RCAN2: variants seen among roughly 807,000 people sequenced by gnomAD.
The protein encoded by RCAN2 is regulator of calcineurin 2, also known as calcipressin-2.
A neutral mutation model predicts 23.6 loss-of-function variants in RCAN2; 9 were observed. That is an observed-to-expected ratio of 0.38 (90% CI 0.23 to 0.67). The LOEUF is 0.67. Among genes scored for constraint, RCAN2 ranks in the 30% least tolerant of loss-of-function variants. The pLI is 0.51. For missense variants in RCAN2, 273 were observed against 302.3 expected, an observed-to-expected ratio of 0.90 and a Z score of 0.72; for synonymous variants, 109 against 115.7, an observed-to-expected ratio of 0.94 and a Z score of 0.37.
At chr6:46,223,523 A>G (rs1765550716) in intron 4 of RCAN2, among the ~76,000 whole-genome samples, 1 of 152,126 alleles carries the variant, frequency 6.6e-6, no homozygotes, top group Admixed American at 6.6e-5. Context: ...AAGCCACTCA[A>G]TACCTCTTAG....
chr6:46,443,641 T>G (rs1767617264), intron 2 of RCAN2, among the ~76,000 whole-genome samples: 1 of 152,184 alleles, frequency 6.6e-6, no homozygotes, highest in Non-Finnish European at 1.5e-5. Flanking sequence ...CTCTAAAAAT[T>G]TTGAACATTA....
At chr6:46,258,547 C>G (rs948209256) in intron 2 of RCAN2, among the ~76,000 whole-genome samples, 2 of 152,094 alleles carry the variant, frequency 1.3e-5, no homozygotes, top group African/African-American at 4.8e-5. Flanking sequence ...ATCCTTTCTC[C>G]CTGGAGTTCT....
chr6:46,275,163 AC>A (rs1767653057), intron 2 of RCAN2, among the ~76,000 whole-genome samples: 1 of 147,108 alleles, frequency 6.8e-6, no homozygotes, highest in African/African-American at 2.5e-5. Context: ...TGCAATCATC[AC>A]CTTTTTTTTT....
chr6:46,368,310 T>A (rs1344906226), intron 2 of RCAN2, among the ~76,000 whole-genome samples: 2 of 152,240 alleles, frequency 1.3e-5, no homozygotes, highest in Admixed American at 1.3e-4. Flanking sequence ...TGTTGCACTC[T>A]ACCACCTTTC....
At chr6:46,353,536 G>C (rs1764727103) in intron 2 of RCAN2, among the ~76,000 whole-genome samples, 1 of 152,142 alleles carries the variant, frequency 6.6e-6, no homozygotes, top group South Asian at 2.1e-4. Flanking sequence ...TAAGATGGGG[G>C]TTAAGTTCTT....
intron 2 of RCAN2, among the ~76,000 whole-genome samples, chr6:46,338,225 G>A (rs551054682): frequency 6.6e-6 from 1 of 152,288 alleles, no homozygotes; most frequent in South Asian, 2.1e-4. Context: ...AAACCAAGAA[G>A]GTCTAAGATG....
chr6:46,457,377 T>A (rs2150433189), intron 1 of RCAN2, among the ~76,000 whole-genome samples: 1 of 152,286 alleles, frequency 6.6e-6, no homozygotes, highest in Admixed American at 6.5e-5. Flanking sequence ...CAATAGTCTA[T>A]AAGGTTGGTA....
intron 1 of RCAN2, among the ~76,000 whole-genome samples, chr6:46,490,719 T>C (rs1327115466): frequency 2.0e-5 from 3 of 152,094 alleles, no homozygotes; most frequent in Admixed American, 1.3e-4. Flanking sequence ...AGCCTCTGCA[T>C]TGGGAAGAAG....
chr6:46,339,014 C>CAAAAAA (rs3997300), intron 2 of RCAN2, among the ~76,000 whole-genome samples: 992 of 46,990 alleles, frequency 0.021, 96 homozygotes, highest in Non-Finnish European at 0.029. Context: ...GACCCTGTCT[C>CAAAAAA]AAAAAAAAAA....
chr6:46,289,141 A>G (rs1762460338), intron 2 of RCAN2, among the ~76,000 whole-genome samples: 1 of 152,180 alleles, frequency 6.6e-6, no homozygotes, highest in South Asian at 2.1e-4. Context: ...ACAGGGCAAC[A>G]CCTCAGATTC....
At chr6:46,438,331 GCCA>G (rs1767430966) in intron 2 of RCAN2, 1 of 152,168 alleles carries the variant, frequency 6.6e-6, no homozygotes, top group Non-Finnish European at 1.5e-5. Context: ...CTATCCCATG[GCCA>G]TAGGACTCAA....
At chr6:46,426,282 A>G (rs1301655259) in intron 2 of RCAN2, among the ~76,000 whole-genome samples, 1 of 152,146 alleles carries the variant, frequency 6.6e-6, no homozygotes, top group African/African-American at 2.4e-5. Flanking sequence ...TTAAATGAAT[A>G]TTTTCGCAGA....
intron 2 of RCAN2, among the ~76,000 whole-genome samples, chr6:46,419,891 A>G (rs1479909266): frequency 6.6e-6 from 1 of 152,196 alleles, no homozygotes; most frequent in African/African-American, 2.4e-5. Flanking sequence ...TTCAGTATAG[A>G]TTATATTCTA....
At chr6:46,434,520 A>G (rs1184131245) in intron 2 of RCAN2, among the ~76,000 whole-genome samples, 3 of 152,208 alleles carry the variant, frequency 2.0e-5, no homozygotes, top group Admixed American at 6.5e-5. Flanking sequence ...CAGCTCATAA[A>G]GAGAGGACTT....
intron 2 of RCAN2, among the ~76,000 whole-genome samples, chr6:46,436,515 C>T (rs1221951984): frequency 1.3e-5 from 2 of 152,116 alleles, no homozygotes; most frequent in Non-Finnish European, 2.9e-5. Flanking sequence ...GTGCCGGGCC[C>T]AGAGTCCCAT....
chr6:46,292,423 G>GTTTTTTTTTTTTTTTTTTTTTTTT (rs869232910), intron 2 of RCAN2, among the ~76,000 whole-genome samples: 5 of 107,550 alleles, frequency 4.6e-5, no homozygotes, highest in African/African-American at 1.6e-4. Context: ...GAGTTGATTT[G>GTTTTTTTTTTTTTTTTTTTTTTTT]TTGTTTTTTT....
At chr6:46,419,958 G>T (rs1219469124) in intron 2 of RCAN2, among the ~76,000 whole-genome samples, 4 of 152,038 alleles carry the variant, frequency 2.6e-5, no homozygotes, top group Non-Finnish European at 5.9e-5. Context: ...TACCCAAATT[G>T]GTTCATGCCA....
chr6:46,256,924 G>A (rs1281593974), intron 2 of RCAN2, among the ~76,000 whole-genome samples: 1 of 152,148 alleles, frequency 6.6e-6, no homozygotes, highest in Non-Finnish European at 1.5e-5. Flanking sequence ...ACATTAACAG[G>A]ATAGAGTAAC....
chr6:46,240,303 C>A (rs575729056), intron 4 of RCAN2, among the ~76,000 whole-genome samples: 14 of 151,672 alleles, frequency 9.2e-5, no homozygotes, highest in Middle Eastern at 3.4e-3. Flanking sequence ...TTCATATTTT[C>A]CCATTTTTTG....
Sources: allele counts gnomAD v4.1 joint callset (sites outside exome capture counted in the v4.1 genomes callset), GRCh38; gene constraint gnomAD v4.1.1; transcripts MANE v1.5; gene names NCBI Gene and HGNC (gene_info 2026-07-23, HGNC 2026-07-21).